The following CTNNA3 variants were observed in gnomAD, a reference collection of about 807,000 sequenced individuals.
CTNNA3 encodes catenin alpha-3.
CTNNA3 carries 76 observed loss-of-function variants against 95.7 expected under a neutral mutation model. The ratio of observed to expected loss-of-function variants is 0.79; its 90% CI spans 0.66 to 0.96. The LOEUF (loss-of-function observed/expected upper bound fraction) is 0.96, where lower values mean the gene tolerates loss of function less well. CTNNA3 is among the 40% of genes least tolerant of loss of function. The pLI is 0.00. For synonymous variants in CTNNA3, 431 were observed against 374.4 expected, an observed-to-expected ratio of 1.15 and a Z score of -1.74; for missense variants, 1,191 against 1,089.8, an observed-to-expected ratio of 1.09 and a Z score of -1.31.
chr10:66,539,958 G>T (rs1256513022), intron 10 of CTNNA3, among the ~76,000 whole-genome samples: 1 of 152,030 alleles, frequency 6.6e-6, no homozygotes, highest in Non-Finnish European at 1.5e-5. Context: ...CCTGGTCAAT[G>T]TTTGTTAAAT....
At chr10:67,686,906 G>A (rs149503302) in intron 1 of CTNNA3, among the ~76,000 whole-genome samples, 3,760 of 152,092 alleles carry the variant, frequency 0.025, 65 homozygotes, top group Non-Finnish European at 0.036. Flanking sequence ...CTCAAGCAGG[G>A]GACAACAAAT....
chr10:67,069,184 C>G (rs1232762269), intron 7 of CTNNA3, among the ~76,000 whole-genome samples: 1 of 151,910 alleles, frequency 6.6e-6, no homozygotes, highest in African/African-American at 2.4e-5. Flanking sequence ...TAGTCTCAAA[C>G]TTGATTAGTA....
intron 13 of CTNNA3, among the ~76,000 whole-genome samples, chr10:66,152,518 C>A (rs2084258572): frequency 6.6e-6 from 1 of 151,696 alleles, no homozygotes; most frequent in Non-Finnish European, 1.5e-5. Context: ...AAACTAACAA[C>A]ATGTATTCTG....
chr10:66,753,466 C>T (rs538859175), intron 9 of CTNNA3, among the ~76,000 whole-genome samples: 1 of 152,014 alleles, frequency 6.6e-6, no homozygotes, highest in Admixed American at 6.6e-5. Flanking sequence ...AGTTCAAAAC[C>T]AGTCTGGCCA....
At chr10:67,348,792 G>A (rs80326041) in intron 5 of CTNNA3, among the ~76,000 whole-genome samples, 5 of 152,076 alleles carry the variant, frequency 3.3e-5, no homozygotes, top group Non-Finnish European at 5.9e-5. Context: ...GAGATTTGGA[G>A]GGGACAAAAC....
At chr10:66,145,060 TTAA>T (rs780972648) in intron 13 of CTNNA3, among the ~76,000 whole-genome samples, 8 of 152,162 alleles carry the variant, frequency 5.3e-5, no homozygotes, top group Non-Finnish European at 1.0e-4. Context: ...CTTGCTTTCT[TTAA>T]TAATATTTCC....
chr10:66,392,005 A>G (rs1384719446), intron 11 of CTNNA3, among the ~76,000 whole-genome samples: 1 of 152,090 alleles, frequency 6.6e-6, no homozygotes, highest in East Asian at 1.9e-4. Flanking sequence ...GAGAAACTCT[A>G]GGTGATCTTG....
At position 67,002,953 on chromosome 10, in the gene CTNNA3, C is replaced by T. The variant is rs571284886; in HGVS notation, c.1047+177364G>A. Among the ~76,000 whole-genome samples, 13 of 152,226 alleles carry T rather than the reference C, an allele frequency of 8.5e-5. No individual in the cohort carries two copies. In the South Asian group the frequency reaches 2.1e-3, roughly 24 times the overall value. On this transcript the variant is annotated intron_variant, in intron 7 of 17. Coordinates refer to ENST00000433211, the MANE Select transcript of CTNNA3 (RefSeq NM_013266.4). Reference sequence around the variant, plus strand: ...TTTTCATTACCTAAAATATACTCTTCGTAAGACTTGTGGCTGCCGAATAAA... The same window carrying T: ...TTTTCATTACCTAAAATATACTCTTTGTAAGACTTGTGGCTGCCGAATAAA...
At chr10:67,715,037 A>C (rs894302817) in intron 1 of CTNNA3, among the ~76,000 whole-genome samples, 1 of 152,192 alleles carries the variant, frequency 6.6e-6, no homozygotes, top group Admixed American at 6.5e-5. Flanking sequence ...AAGCAGACTA[A>C]TACAGACCTC....
At chr10:67,368,295 A>C (rs1324129113) in intron 5 of CTNNA3, among the ~76,000 whole-genome samples, 1 of 152,184 alleles carries the variant, frequency 6.6e-6, no homozygotes, top group Non-Finnish European at 1.5e-5. Flanking sequence ...ATAGAAGTTA[A>C]AACCAAATTG....
intron 7 of CTNNA3, among the ~76,000 whole-genome samples, chr10:66,951,100 C>T (rs991453190): frequency 4.0e-5 from 6 of 150,298 alleles, no homozygotes; most frequent in Non-Finnish European, 8.9e-5. Context: ...CACACACACA[C>T]ACACACACAC....
chr10:67,163,836 T>C (rs1397466219), intron 7 of CTNNA3, among the ~76,000 whole-genome samples: 1 of 151,978 alleles, frequency 6.6e-6, no homozygotes, highest in Non-Finnish European at 1.5e-5. Context: ...TACTTGTATA[T>C]ACTAATAACA....
chr10:66,251,309 A>AT (rs1249616768), intron 13 of CTNNA3, among the ~76,000 whole-genome samples: 1 of 21,612 alleles, frequency 4.6e-5, no homozygotes, highest in Non-Finnish European at 1.7e-3. Flanking sequence ...TACCTTTGAA[A>AT]TTAAAAAAAA....
intron 12 of CTNNA3, among the ~76,000 whole-genome samples, chr10:66,323,479 AC>A (rs1456208426): frequency 1.3e-5 from 2 of 151,788 alleles, no homozygotes; most frequent in Admixed American, 1.3e-4. Flanking sequence ...ATTTGTCTCT[AC>A]TAAAAATACA....
At chr10:67,576,072 T>C (rs939447575) in intron 3 of CTNNA3, among the ~76,000 whole-genome samples, 5 of 152,142 alleles carry the variant, frequency 3.3e-5, no homozygotes, top group Admixed American at 2.6e-4. Context: ...TGATTCAAAG[T>C]TGAACCCACC....
At chr10:66,021,851 G>GTTTTTTTTTTTTT (rs1564583857) in intron 15 of CTNNA3, among the ~76,000 whole-genome samples, 1 of 41,678 alleles carries the variant, frequency 2.4e-5, no homozygotes, top group Non-Finnish European at 4.7e-5. Flanking sequence ...CAGGATCTTG[G>GTTTTTTTTTTTTT]CTTTTTTTTT....
Position 67,240,785 on chromosome 10 carries a change from A to G in CTNNA3, c.580-20915T>C, listed in dbSNP as rs546930678. ...CAAAGAAACCTATGAGGAAAACATT[A>G]TCACTTAATTCTAATGCGGACTACT... is the stretch of plus-strand genomic sequence containing the variant. On this transcript the variant is annotated intron_variant, in intron 5 of 17. Transcript: ENST00000433211. Among the ~76,000 whole-genome samples, 18 of 152,308 alleles carry G rather than the reference A, an allele frequency of 1.2e-4. No homozygotes were observed. In the South Asian group the frequency reaches 3.5e-3, roughly 30 times the overall value.
At chr10:67,262,098 G>T (rs74142463) in intron 5 of CTNNA3, among the ~76,000 whole-genome samples, 2,086 of 151,958 alleles carry the variant, frequency 0.014, 53 homozygotes, top group African/African-American at 0.047. Flanking sequence ...ATATTTCAAT[G>T]ATCTGATACT....
chr10:67,031,310 G>A (rs1395598152), intron 7 of CTNNA3, among the ~76,000 whole-genome samples: 1 of 152,068 alleles, frequency 6.6e-6, no homozygotes, highest in Non-Finnish European at 1.5e-5. Context: ...CAGTAACAGA[G>A]AAGGGAAAAA....
Sources: gnomAD v4.1 joint callset for allele counts (sites outside exome capture counted in the v4.1 genomes callset) on GRCh38, gnomAD v4.1.1 for gene constraint, MANE v1.5 for transcripts, NCBI Gene and HGNC (gene_info 2026-07-23, HGNC 2026-07-21) for gene names.